MEOX2: variants seen among roughly 807,000 people sequenced by gnomAD.
MEOX2 encodes the protein homeobox protein MOX-2.
In MEOX2, 11 loss-of-function variants were observed where a neutral mutation model predicts 27.0. The observed-to-expected ratio is 0.41, with a 90% CI of 0.26 to 0.68. The LOEUF is 0.68. Among genes scored for constraint, MEOX2 ranks in the 30% least tolerant of loss-of-function variants. The pLI is 0.33. For synonymous variants in MEOX2, 189 were observed against 155.4 expected (o/e 1.22, Z -1.61); for missense variants, 436 against 385.4 (o/e 1.13, Z -1.10).
rs75798691 is a variant in MEOX2, at chr7:15,625,748, G to A, written c.690+998C>T. On this transcript the variant is annotated intron_variant, in intron 2 of 2. Transcript: ENST00000262041. Reference sequence around the variant, plus strand: ...TTGTAAAGATTAGCAACTGTTAACCGGCAGTAGGCTAGATTCTCCTCAGGG... The same window carrying A: ...TTGTAAAGATTAGCAACTGTTAACCAGCAGTAGGCTAGATTCTCCTCAGGG... 5.2e-3 allele frequency among the ~76,000 whole-genome samples: 789 copies of A among 152,182 alleles called. 11 individuals carry two copies. Among genetic ancestry groups the A allele is most frequent in the African/African-American group, 0.018 (745 of 41,536 alleles).
At chr7:15,675,822 T>TA (rs1782184191) in intron 1 of MEOX2, among the ~76,000 whole-genome samples, 1 of 152,204 alleles carries the variant, frequency 6.6e-6, no homozygotes, top group Admixed American at 6.5e-5. Flanking sequence ...ATCGGACATT[T>TA]AATATTTTGC....
Position 15,647,420 on chromosome 7 carries a change from T to C in MEOX2, c.518-20502A>G, listed in dbSNP as rs191085514. Among the ~76,000 whole-genome samples, 144 of 152,240 alleles carry C rather than the reference T, an allele frequency of 9.5e-4. 1 individual carries two copies. The highest frequency in any genetic ancestry group is 3.4e-3 in the African/African-American group (141 of 41,586). The stretch of plus-strand genomic sequence containing the variant: ...GCAAGCTACATTTTAGTAAATTCTC[T>C]AGCTAAGCTCAACAAGCATTAAGAT... On this transcript the variant is annotated intron_variant, in intron 1 of 2. Transcript: ENST00000262041.
chr7:15,613,547 A>G (rs966674000), intron 2 of MEOX2, among the ~76,000 whole-genome samples: 2 of 151,990 alleles, frequency 1.3e-5, no homozygotes, highest in Non-Finnish European at 2.9e-5. Context: ...TTCTTTTTAC[A>G]TTGTATTTCT....
At position 15,635,000 on chromosome 7, in the gene MEOX2, T is replaced by A. The variant is rs538990232; in HGVS notation, c.518-8082A>T. ...GGAAGTATTATGTTTCTACAATGCATCAAAGCACATAAGCACTAATAATAA... is the reference window on the plus strand; with the variant it reads ...GGAAGTATTATGTTTCTACAATGCAACAAAGCACATAAGCACTAATAATAA... On this transcript the variant is annotated intron_variant, in intron 1 of 2. Coordinates refer to ENST00000262041, the MANE Select transcript of MEOX2 (RefSeq NM_005924.5). Among the ~76,000 whole-genome samples the A allele has an allele frequency of 5.7e-4, 86 of 152,120 alleles. 1 individual carries two copies. The highest frequency in any genetic ancestry group is 2.0e-3 in the African/African-American group (85 of 41,554).
At chr7:15,681,887 A>C (rs1004312816) in intron 1 of MEOX2, 1 of 151,788 alleles carries the variant, frequency 6.6e-6, no homozygotes, top group Non-Finnish European at 1.5e-5. Context: ...TAAATGAAGA[A>C]ATTTACACAG....
intron 1 of MEOX2, among the ~76,000 whole-genome samples, chr7:15,654,037 A>T (rs1447968144): frequency 6.6e-6 from 1 of 151,934 alleles, no homozygotes; most frequent in Non-Finnish European, 1.5e-5. Context: ...TCCAGTCCAT[A>T]AACACAATAT....
At chr7:15,630,255 C>T (rs1781381289) in intron 1 of MEOX2, among the ~76,000 whole-genome samples, 1 of 152,102 alleles carries the variant, frequency 6.6e-6, no homozygotes, top group South Asian at 2.1e-4. Flanking sequence ...GTCTGCAATA[C>T]TTCCGTGGAG....
At chr7:15,618,120 A>G (rs1297219134) in intron 2 of MEOX2, among the ~76,000 whole-genome samples, 2 of 152,006 alleles carry the variant, frequency 1.3e-5, no homozygotes, top group African/African-American at 2.4e-5. Flanking sequence ...ATTCCTTTTA[A>G]CTTGGCCTTT....
At chr7:15,618,251 C>T (rs1343091410) in intron 2 of MEOX2, among the ~76,000 whole-genome samples, 1 of 151,998 alleles carries the variant, frequency 6.6e-6, no homozygotes, top group African/African-American at 2.4e-5. Context: ...AAAATAGACA[C>T]ACCTTTTAGT....
intron 1 of MEOX2, among the ~76,000 whole-genome samples, chr7:15,644,953 C>G (rs1007012612): frequency 1.3e-5 from 2 of 152,130 alleles, no homozygotes; most frequent in African/African-American, 4.8e-5. Flanking sequence ...GGCCCCAGAA[C>G]GCCCACTGCT....
At chr7:15,655,837 A>G (rs7811538) in intron 1 of MEOX2, among the ~76,000 whole-genome samples, 43,826 of 151,556 alleles carry the variant, frequency 0.29, 6,798 homozygotes, top group Non-Finnish European at 0.35. Flanking sequence ...GTTTCAGGAT[A>G]GAATATTCTA....
At chr7:15,651,878 G>A (rs1781736677) in intron 1 of MEOX2, among the ~76,000 whole-genome samples, 1 of 151,910 alleles carries the variant, frequency 6.6e-6, no homozygotes, top group Non-Finnish European at 1.5e-5. Flanking sequence ...TTACACAGGT[G>A]ACCACATCAT....
chr7:15,660,552 G>A (rs1781895966), intron 1 of MEOX2, among the ~76,000 whole-genome samples: 1 of 152,124 alleles, frequency 6.6e-6, no homozygotes. Context: ...CTAGATGCCA[G>A]TAGAACTATT....
chr7:15,650,638 T>G (rs1384744512), intron 1 of MEOX2, among the ~76,000 whole-genome samples: 2 of 152,086 alleles, frequency 1.3e-5, no homozygotes, highest in Non-Finnish European at 2.9e-5. Context: ...AAATTGTTCC[T>G]TCCCTTAAGG....
chr7:15,668,821 A>G (rs1247678326), intron 1 of MEOX2, among the ~76,000 whole-genome samples: 1 of 152,094 alleles, frequency 6.6e-6, no homozygotes, highest in Non-Finnish European at 1.5e-5. Context: ...TGGATTTTCA[A>G]CTGCACATGG....
At chr7:15,638,616 T>A (rs1781518442) in intron 1 of MEOX2, among the ~76,000 whole-genome samples, 1 of 152,020 alleles carries the variant, frequency 6.6e-6, no homozygotes, top group Admixed American at 6.6e-5. Context: ...ATGGTAGTAT[T>A]TTTTACCCTC....
chr7:15,649,620 T>A (rs530000981), intron 1 of MEOX2, among the ~76,000 whole-genome samples: 10 of 152,106 alleles, frequency 6.6e-5, no homozygotes, highest in African/African-American at 2.2e-4. Flanking sequence ...ACAGTGAGTA[T>A]CTGGAATATA....
At chr7:15,663,828 A>G (rs1168063672) in intron 1 of MEOX2, among the ~76,000 whole-genome samples, 1 of 152,178 alleles carries the variant, frequency 6.6e-6, no homozygotes, top group African/African-American at 2.4e-5. Flanking sequence ...TAATAGCATC[A>G]TTCCAATCAC....
intron 2 of MEOX2, 24 bp downstream of exon 2, chr7:15,626,722 T>A: frequency 6.3e-7 from 1 of 1,577,588 alleles, no homozygotes; most frequent in Non-Finnish European, 8.7e-7. Flanking sequence ...AAAAAGATCA[T>A]ATAATGATAA....
Sources: gnomAD v4.1 joint callset for allele counts (sites outside exome capture counted in the v4.1 genomes callset) on GRCh38, gnomAD v4.1.1 for gene constraint, MANE v1.5 for transcripts, NCBI Gene and HGNC (gene_info 2026-07-23, HGNC 2026-07-21) for gene names.